The following MCTP2 variants were observed in gnomAD, a reference collection of about 807,000 sequenced individuals.
MCTP2 encodes the protein multiple C2 and transmembrane domain-containing protein 2.
Under a neutral mutation model 111.6 loss-of-function variants are expected in MCTP2, and 132 were observed. That is an observed-to-expected ratio of 1.18 (90% confidence interval 1.03 to 1.37). The LOEUF is 1.37. Among genes scored for constraint, MCTP2 ranks in the 40% most tolerant of loss-of-function variants. The pLI is 0.00. For synonymous variants in MCTP2, 395 were observed against 387.7 expected, an observed-to-expected ratio of 1.02 and a Z score of -0.22; for missense variants, 1,183 against 1,067.9, an observed-to-expected ratio of 1.11 and a Z score of -1.50.
chr15:94,406,835 G>A (rs2081920079), intron 17 of MCTP2, among the ~76,000 whole-genome samples: 1 of 150,734 alleles, frequency 6.6e-6, no homozygotes, highest in African/African-American at 2.4e-5. Context: ...AAGGGATCAT[G>A]GAAGGCATTG....
At chr15:94,463,242 C>G (rs770539517) in intron 20 of MCTP2, among the ~76,000 whole-genome samples, 6 of 152,138 alleles carry the variant, frequency 3.9e-5, no homozygotes, top group Non-Finnish European at 7.4e-5. Context: ...TTGTTATATT[C>G]CAGTGTAATA....
chr15:94,458,898 CTTTA>C (rs2085009758), intron 20 of MCTP2, among the ~76,000 whole-genome samples: 1 of 152,176 alleles, frequency 6.6e-6, no homozygotes, highest in East Asian at 1.9e-4. Flanking sequence ...TCCAATAAAA[CTTTA>C]TTTATATAAA....
intron 9 of MCTP2, among the ~76,000 whole-genome samples, chr15:94,356,986 A>G (rs1033349394): frequency 1.3e-5 from 2 of 152,292 alleles, no homozygotes; most frequent in Non-Finnish European, 2.9e-5. Flanking sequence ...AATATTTCCT[A>G]TGTTTTATGG....
chr15:94,382,577 C>T (rs2080203788), intron 12 of MCTP2, among the ~76,000 whole-genome samples: 1 of 152,258 alleles, frequency 6.6e-6, no homozygotes, highest in Non-Finnish European at 1.5e-5. Context: ...AAACAATAAT[C>T]TTCATACAGG....
At position 94,370,813 on chromosome 15, in the gene MCTP2, C is replaced by G. The variant is rs139998158; in HGVS notation, c.1582+633C>G. ...CTCCGCACTCATTGCCAAATTACCC[C>G]CTTCTGCTGACTAACAATTTAGCCG... On this transcript the variant is annotated intron_variant, in intron 12 of 22. Transcript: ENST00000357742. Among the ~76,000 whole-genome samples, 857 of 152,292 alleles carry G rather than the reference C, an allele frequency of 5.6e-3. 9 individuals carry two copies. Among genetic ancestry groups the G allele is most frequent in the African/African-American group, 0.018 (742 of 41,560 alleles).
chr15:94,439,944 A>C (rs2083682197), intron 17 of MCTP2, among the ~76,000 whole-genome samples: 1 of 152,152 alleles, frequency 6.6e-6, no homozygotes, highest in South Asian at 2.1e-4. Flanking sequence ...TGGGCTTTTC[A>C]GGTATGAAGC....
At chr15:94,473,937 TTC>T (rs1467006237) in intron 21 of MCTP2, among the ~76,000 whole-genome samples, 1 of 135,278 alleles carries the variant, frequency 7.4e-6, no homozygotes, top group Non-Finnish European at 1.6e-5. Context: ...TTTCCATCTC[TTC>T]TGATTTTCTC....
chr15:94,349,425 T>C (rs2078175879), intron 8 of MCTP2, among the ~76,000 whole-genome samples: 1 of 152,046 alleles, frequency 6.6e-6, no homozygotes, highest in Non-Finnish European at 1.5e-5. Flanking sequence ...GACTCAGTCA[T>C]CAGAATTGAT....
At chr15:94,458,026 G>C in intron 19 of MCTP2, 111 bp from the exon 20 acceptor site, 1 of 634,490 alleles carries the variant, frequency 1.6e-6, no homozygotes, top group Non-Finnish European at 2.8e-6. Flanking sequence ...TTTATCTCTT[G>C]TGTCACTCTA....
At chr15:94,429,439 A>T (rs2083059857) in intron 17 of MCTP2, among the ~76,000 whole-genome samples, 1 of 151,928 alleles carries the variant, frequency 6.6e-6, no homozygotes. Flanking sequence ...CTCTTATCTC[A>T]TTTTTGCCTC....
rs143860131 is a variant in MCTP2 at position 94,294,799 on chromosome 15, G to A, written c.-65-3402G>A. Among the ~76,000 whole-genome samples the A allele has an allele frequency of 3.9e-5, 6 of 152,224 alleles. No homozygotes were observed. The East Asian group carries it at 9.6e-4, about 24-fold the overall frequency. On this transcript the variant is annotated intron_variant, in intron 1 of 22. Coordinates refer to ENST00000357742, the MANE Select transcript of MCTP2 (RefSeq NM_001385001.1). ...CCCTAGGATTCCTAAGCTTTGATCT[G>A]CACAGTAACACCAGGGAGATTGGTT...
At chr15:94,436,735 C>G (rs1473733696) in intron 17 of MCTP2, among the ~76,000 whole-genome samples, 1 of 152,046 alleles carries the variant, frequency 6.6e-6, no homozygotes, top group Admixed American at 6.5e-5. Flanking sequence ...TGATTTTTCT[C>G]CATAGCTTTA....
chr15:94,290,000 G>GAA (rs1371006819), intron 1 of MCTP2, among the ~76,000 whole-genome samples: 2 of 152,196 alleles, frequency 1.3e-5, no homozygotes, highest in Non-Finnish European at 2.9e-5. Flanking sequence ...TGAAGATGGA[G>GAA]AAAGGGGTCA....
At chr15:94,391,282 ACT>A (rs751469898) in intron 14 of MCTP2, among the ~76,000 whole-genome samples, 19 of 150,338 alleles carry the variant, frequency 1.3e-4, no homozygotes, top group South Asian at 6.4e-4. Flanking sequence ...TTTTCAATTA[ACT>A]CTATTGCCCA....
At chr15:94,461,285 C>T (rs2085189663) in intron 20 of MCTP2, among the ~76,000 whole-genome samples, 1 of 152,112 alleles carries the variant, frequency 6.6e-6, no homozygotes, top group African/African-American at 2.4e-5. Context: ...CATGGTGAAA[C>T]CCCGTCTCTA....
At chr15:94,399,132 C>T in intron 15 of MCTP2, 70 bp downstream of exon 15, 1 of 790,200 alleles carries the variant, frequency 1.3e-6, no homozygotes, top group Non-Finnish European at 2.2e-6. Context: ...CCTTTGGAGG[C>T]TCAAATCAAT....
At chr15:94,326,721 C>T (rs897222788) in intron 4 of MCTP2, among the ~76,000 whole-genome samples, 35 of 152,012 alleles carry the variant, frequency 2.3e-4, no homozygotes, top group Non-Finnish European at 5.0e-4. Flanking sequence ...GCATGGGCCA[C>T]CACGCCTGGC....
chr15:94,411,544 G>T (rs1342714367), intron 17 of MCTP2, among the ~76,000 whole-genome samples: 2 of 152,154 alleles, frequency 1.3e-5, no homozygotes, highest in African/African-American at 2.4e-5. Context: ...TGCCTGATCT[G>T]ATGTTTATGG....
chr15:94,305,785 C>G (rs1029207294), intron 2 of MCTP2, among the ~76,000 whole-genome samples: 9 of 151,998 alleles, frequency 5.9e-5, no homozygotes, highest in African/African-American at 2.2e-4. Context: ...GGGTAGGGCC[C>G]TAAAGAAAGG....
Sources: gnomAD v4.1 joint callset for allele counts (sites outside exome capture counted in the v4.1 genomes callset) on GRCh38, gnomAD v4.1.1 for gene constraint, MANE v1.5 for transcripts, NCBI Gene and HGNC (gene_info 2026-07-23, HGNC 2026-07-21) for gene names.